Variants in HCN2 observed in about 807,000 individuals in gnomAD.
HCN2 encodes the protein hyperpolarization activated cyclic nucleotide gated potassium and sodium channel 2.
Under a neutral mutation model 52.3 loss-of-function variants are expected in HCN2, and 20 were observed. That is an observed-to-expected ratio of 0.38 (90% CI 0.27 to 0.56). The LOEUF is 0.56. Among genes scored for constraint, HCN2 ranks in the 20% least tolerant of loss-of-function variants. The pLI is 0.71. For synonymous variants in HCN2, 694 were observed against 537.0 expected (o/e 1.29, Z -4.04); for missense variants, 981 against 1,207.7 (o/e 0.81, Z 2.78).
intron 1 of HCN2, among the ~76,000 whole-genome samples, chr19:598,766 A>G (rs993163238): frequency 1.3e-5 from 2 of 152,112 alleles, no homozygotes; most frequent in African/African-American, 4.8e-5. Flanking sequence ...CTCACACAAA[A>G]AAATAATACA....
chr19:613,828 C>A (rs1400863946), intron 6 of HCN2, 24 bp from the exon 7 acceptor site: 1 of 660,118 alleles, frequency 1.5e-6, no homozygotes, highest in Non-Finnish European at 2.1e-6. Context: ...CGTCCAGCAA[C>A]CCCCCCCTGC....
chr19:590,101 C>G lies in HCN2; in HGVS notation c.156C>G (p.Pro52=). The G allele has an allele frequency of 1.3e-6, 1 of 791,476 alleles. No individual in the cohort carries two copies. The highest frequency in any genetic ancestry group is 1.5e-6 in the Non-Finnish European group (1 of 658,530). The allele number at this position is 791,476 out of a possible 1,614,324, so 49.0% of individuals were successfully genotyped here. ...APPPGPGPAP[P]QHPPRAEALP... ...CCCCGGGCCCCGGGCCCGCGCCCCC[C>G]CAGCACCCGCCCCGGGCCGAGGCGT... The change falls in exon 1 of 8, where the codon CCC becomes CCG. Residue 52 remains proline (P), a synonymous_variant. Transcript: ENST00000251287. The surrounding 1 kb of genome is among the most constrained non-coding windows in gnomAD (Gnocchi z 7.2).
chr19:604,639 C>G (rs1410942458), intron 2 of HCN2, among the ~76,000 whole-genome samples: 1 of 92,468 alleles, frequency 1.1e-5, no homozygotes, highest in African/African-American at 4.7e-5. Context: ...GGTCAGGCAG[C>G]AAGGGCGGGA....
At chr19:599,600 A>T (rs1330781260) in intron 1 of HCN2, among the ~76,000 whole-genome samples, 4 of 151,750 alleles carry the variant, frequency 2.6e-5, no homozygotes, top group Non-Finnish European at 4.4e-5. Flanking sequence ...TAACATGGTG[A>T]AACCCCGTCT....
rs531945457 is a variant in HCN2 at position 596,663 on chromosome 19, G to C, written c.632+6086G>C. Among the ~76,000 whole-genome samples the C allele has an allele frequency of 5.0e-3, 765 of 152,346 alleles. 7 individuals are homozygous for C. The highest frequency in any genetic ancestry group is 3.3e-3 in the Non-Finnish European group (227 of 68,032). On this transcript the variant is annotated intron_variant, in intron 1 of 7. Transcript: ENST00000251287. ...ACTGGGGTTGGACAAGGAGGGCACA[G>C]GGTGCCCGGGGAGTGCTGGGGCCCG...
chr19:602,044 G>T (rs537873104), intron 1 of HCN2, among the ~76,000 whole-genome samples: 1 of 149,842 alleles, frequency 6.7e-6, no homozygotes, highest in Non-Finnish European at 1.5e-5. Context: ...CCCCTGTGGC[G>T]CCAGCCCCGT....
intron 1 of HCN2, among the ~76,000 whole-genome samples, chr19:595,472 G>A (rs940059443): frequency 6.6e-6 from 1 of 151,854 alleles, no homozygotes; most frequent in Non-Finnish European, 1.5e-5. Flanking sequence ...CCCTGGTCCC[G>A]AGGCCGCCCA....
At position 592,463 on chromosome 19, in the gene HCN2, C is replaced by T. The variant is rs909264626; in HGVS notation, c.632+1886C>T. Among the ~76,000 whole-genome samples the T allele has an allele frequency of 1.3e-5, 2 of 152,038 alleles. No homozygotes were observed. Among genetic ancestry groups the T allele is most frequent in the African/African-American group, 4.8e-5 (2 of 41,402 alleles). ...TCCTTCCACCCTCCTTGGGCGTGGT[C>T]GCCTGGAGGCCTGGGCAGGCTGTGG... On this transcript the variant is annotated intron_variant, in intron 1 of 7. Coordinates refer to ENST00000251287, the MANE Select transcript of HCN2 (RefSeq NM_001194.4). The surrounding 1 kb of genome is among the most constrained non-coding windows in gnomAD (Gnocchi z 4.8).
At chr19:604,833 C>T (rs1434913145) in intron 2 of HCN2, among the ~76,000 whole-genome samples, 1 of 71,090 alleles carries the variant, frequency 1.4e-5, no homozygotes, top group East Asian at 4.0e-4. Context: ...TTGGGGGGGT[C>T]CTGCAGTGAA....
rs1276349495 is a variant in HCN2 at position 590,119 on chromosome 19, C to A, written c.174C>A (p.Ala58=). Residue 58 remains alanine, a synonymous_variant, in exon 1 of 8, where the codon GCC becomes GCA. Coordinates refer to ENST00000251287, the MANE Select transcript of HCN2 (RefSeq NM_001194.4). This position sits in a 1 kb window ranked among gnomAD's most constrained non-coding sequence, Gnocchi z 7.2. The part of the protein sequence containing the change: ...GPAPPQHPPR[A]EALPPEAADE... ...CGCCCCCCCAGCACCCGCCCCGGGC[C>A]GAGGCGTTGCCCCCGGAGGCGGCGG... is the stretch of plus-strand genomic sequence containing the variant. 1.2e-4 allele frequency: 107 copies of A among 877,344 alleles called. No individual in the cohort carries two copies. In the Middle Eastern group the frequency reaches 1.7e-3, roughly 14 times the overall value. 54.3% of individuals were successfully genotyped at this position (877,344 alleles called of 1,614,324 possible). A position where few individuals can be genotyped will look rare whatever the true frequency, so the allele number is the denominator to read the frequency against.
At chr19:593,585 A>G (rs1466945825) in intron 1 of HCN2, among the ~76,000 whole-genome samples, 1 of 152,052 alleles carries the variant, frequency 6.6e-6, no homozygotes, top group Non-Finnish European at 1.5e-5. Flanking sequence ...GCGCTGCTGC[A>G]CTCCAGCCTG....
chr19:600,649 T>C (rs1268207852), intron 1 of HCN2, among the ~76,000 whole-genome samples: 6 of 152,014 alleles, frequency 3.9e-5, no homozygotes, highest in Non-Finnish European at 7.4e-5. Flanking sequence ...CCGGCCTAAT[T>C]TCTGTATTTT....
intron 5 of HCN2, among the ~76,000 whole-genome samples, chr19:613,041 C>T (rs1404596887): frequency 2.0e-5 from 3 of 152,206 alleles, no homozygotes; most frequent in Non-Finnish European, 4.4e-5. Flanking sequence ...GCAGATGTCG[C>T]CAATACGGTG....
chr19:612,982 C>T (rs1343869750), intron 5 of HCN2, among the ~76,000 whole-genome samples: 1 of 152,202 alleles, frequency 6.6e-6, no homozygotes, highest in Non-Finnish European at 1.5e-5. Flanking sequence ...ACCCGGCCTC[C>T]TTTCCACCGC....
intron 1 of HCN2, among the ~76,000 whole-genome samples, chr19:595,353 G>A (rs1284880628): frequency 1.7e-5 from 2 of 115,684 alleles, no homozygotes; most frequent in Admixed American, 1.1e-4. Flanking sequence ...ATGCCTCCCC[G>A]TCCCCCTTTC....
Position 591,617 on chromosome 19 carries a change from T to C in HCN2, c.632+1040T>C, listed in dbSNP as rs2144501159. 6.7e-6 allele frequency among the ~76,000 whole-genome samples: 1 copy of C among 150,290 alleles called. No homozygotes were observed. The highest frequency in any genetic ancestry group is 1.5e-5 in the Non-Finnish European group (1 of 67,440). ...GGGTGTGGAGGGTGCAGGTGGAGGG[T>C]GTAGGTGGGGCCCGCCGGGCTAGCG... On this transcript the variant is annotated intron_variant, in intron 1 of 7. Coordinates refer to ENST00000251287, the MANE Select transcript of HCN2 (RefSeq NM_001194.4). This position sits in a 1 kb window ranked among gnomAD's most constrained non-coding sequence, Gnocchi z 4.1.
In HCN2 at chr19:616,626, G is replaced by A. The variant is rs1301537162; in HGVS notation, c.*152G>A. 2.2e-5 allele frequency: 8 copies of A among 367,798 alleles called. No individual in the cohort carries two copies. In the Admixed American group the frequency reaches 3.3e-4, roughly 15 times the overall value. The allele number at this position is 367,798 out of a possible 1,614,324, so 22.8% of individuals were successfully genotyped here. A position where few individuals can be genotyped will look rare whatever the true frequency, so the allele number is the denominator to read the frequency against. The stretch of plus-strand genomic sequence containing the variant: ...GTAGTTGGACGGACGGGCAGGGCCG[G>A]CGGGGCAGCCCCCTCCGCGCCCCCG... On this transcript the variant is annotated 3_prime_UTR_variant, in exon 8 of 8. Transcript: ENST00000251287.
chr19:600,329 C>T (rs368976802), intron 1 of HCN2, among the ~76,000 whole-genome samples: 17 of 151,984 alleles, frequency 1.1e-4, no homozygotes, highest in East Asian at 7.7e-4. Context: ...CCCGCCACCA[C>T]GCCCGGCTAA....
At chr19:613,718 G>GCCCC (rs1434460028) in intron 6 of HCN2, 134 bp from the exon 7 acceptor site, 1 of 949,534 alleles carries the variant, frequency 1.1e-6, no homozygotes, top group Non-Finnish European at 1.4e-6. Flanking sequence ...GATGGGGCCG[G>GCCCC]GGCCGGCACC....
Sources: gnomAD v4.1 joint callset for allele counts (sites outside exome capture counted in the v4.1 genomes callset) on GRCh38, gnomAD v4.1.1 for gene constraint, Gnocchi (gnomAD v3.1) non-coding constraint, MANE v1.5 for transcripts, NCBI Gene and HGNC (gene_info 2026-07-23, HGNC 2026-07-21) for gene names.